The following ADGRL2 variants were observed in gnomAD, a reference collection of about 807,000 sequenced individuals.
The protein encoded by ADGRL2 is calcium-independent alpha-latrotoxin receptor 2.
ADGRL2 carries 44 observed loss-of-function variants against 157.4 expected under a neutral mutation model. That is an observed-to-expected ratio of 0.28 (90% CI 0.22 to 0.36). The LOEUF (loss-of-function observed/expected upper bound fraction) is 0.36. ADGRL2 is among the 10% of genes least tolerant of loss of function. The pLI, the probability that ADGRL2 is intolerant of heterozygous loss-of-function variation, is 1.00. For missense variants in ADGRL2, 1,510 were observed against 1,768.9 expected (o/e 0.85, Z 2.63); for synonymous variants, 585 against 624.7 (o/e 0.94, Z 0.95).
At chr1:81,623,929 C>T (rs1570666900) in intron 3 of ADGRL2, among the ~76,000 whole-genome samples, 2 of 152,136 alleles carry the variant, frequency 1.3e-5, no homozygotes, top group East Asian at 1.9e-4. Context: ...GCCATCACAC[C>T]CAGCTGATAT....
Position 81,962,235 on chromosome 1 carries a change from G to T in ADGRL2, c.2018-3823G>T, listed in dbSNP as rs551508162. Among the ~76,000 whole-genome samples, 3 of 152,108 alleles carry T rather than the reference G, an allele frequency of 2.0e-5. No individual in the cohort carries two copies. The East Asian group carries it at 5.8e-4, about 29-fold the overall frequency. On this transcript the variant is annotated intron_variant, in intron 11 of 23. Coordinates refer to ENST00000686636, the MANE Select transcript of ADGRL2 (RefSeq NM_001366006.2). ...GTTGTCAATCTAATGAGTTTGAATT[G>T]GTTACGTTATTGTTTTAATTTACAA...
At chr1:81,981,067 C>T in intron 18 of ADGRL2, 1 of 425,162 alleles carries the variant, frequency 2.4e-6, no homozygotes, top group South Asian at 3.0e-5. Flanking sequence ...TTATTACTTT[C>T]TATTTTAATT....
chr1:81,799,887 AT>A (rs531455996), upstream of ADGRL2, among the ~76,000 whole-genome samples: 1 of 2,508 alleles, frequency 4.0e-4, no homozygotes, highest in Admixed American at 0.011. Flanking sequence ...AAATTTTGCA[AT>A]AAAAAAAAAA....
At chr1:81,321,225 T>C (rs1660477794) in intron 1 of ADGRL2, among the ~76,000 whole-genome samples, 2 of 152,190 alleles carry the variant, frequency 1.3e-5, no homozygotes, top group Admixed American at 6.5e-5. Context: ...TAGGTTTTAG[T>C]TTACTTAGGG....
chr1:81,432,703 A>G lies in ADGRL2; in HGVS notation c.-301-12333A>G, dbSNP rs994695158. 2.6e-5 allele frequency among the ~76,000 whole-genome samples: 4 copies of G among 152,042 alleles called. 1 individual carries two copies. The South Asian group carries it at 8.3e-4, about 31-fold the overall frequency. On this transcript the variant is annotated intron_variant, in intron 1 of 24. Transcript: ENST00000370721. ...CCGCTCCCCTCCCCAGCCCATTTTC[A>G]GACAGGAGGTCAAGCTGTCGTTGGA...
intron 2 of ADGRL2, among the ~76,000 whole-genome samples, chr1:81,892,149 T>C (rs748804213): frequency 6.6e-6 from 1 of 152,178 alleles, no homozygotes; most frequent in East Asian, 1.9e-4. Flanking sequence ...AATGAAGAGA[T>C]TGGGGACTGA....
At chr1:81,646,086 G>C (rs544962972) in intron 3 of ADGRL2, among the ~76,000 whole-genome samples, 1 of 151,942 alleles carries the variant, frequency 6.6e-6, no homozygotes, top group Non-Finnish European at 1.5e-5. Flanking sequence ...CTCACTCATC[G>C]CAGTGTCCTT....
intron 4 of ADGRL2, 51 bp downstream of exon 4, chr1:81,936,888 A>G (rs1482875232): frequency 1.8e-6 from 2 of 1,083,256 alleles, no homozygotes; most frequent in African/African-American, 3.1e-5. Context: ...TTACTTGTTG[A>G]TGCTGAAAGA....
intron 2 of ADGRL2, among the ~76,000 whole-genome samples, chr1:81,490,715 ACAC>A (rs1184890192): frequency 6.6e-6 from 1 of 152,192 alleles, no homozygotes; most frequent in Non-Finnish European, 1.5e-5. Context: ...AGAGCATACA[ACAC>A]AGTCATTTTG....
chr1:81,691,528 C>T lies in ADGRL2; in HGVS notation c.-142-70283C>T, dbSNP rs544218162. On this transcript the variant is annotated intron_variant, in intron 3 of 24. Coordinates refer to the ADGRL2 transcript ENST00000370721. ...GACTTTTTTTTTTGAGACGGAGTTT[C>T]GCTCTTGTTGCCCAGGCTGGAGTGC... Among the ~76,000 whole-genome samples, 25 of 151,492 alleles carry T rather than the reference C, an allele frequency of 1.7e-4. 1 individual carries two copies. In the East Asian group the frequency reaches 3.9e-3, roughly 24 times the overall value.
At chr1:81,844,876 C>T (rs1487232366) in intron 2 of ADGRL2, among the ~76,000 whole-genome samples, 1 of 152,008 alleles carries the variant, frequency 6.6e-6, no homozygotes, top group Non-Finnish European at 1.5e-5. Flanking sequence ...TGCCATAATT[C>T]TTGCTTTGAG....
chr1:81,958,685 G>A (rs1259032007), intron 11 of ADGRL2, among the ~76,000 whole-genome samples: 1 of 152,118 alleles, frequency 6.6e-6, no homozygotes, highest in Non-Finnish European at 1.5e-5. Flanking sequence ...TAAGTGTATA[G>A]TTTGATGGAG....
chr1:81,947,946 C>T (rs894242256), intron 6 of ADGRL2, among the ~76,000 whole-genome samples: 2 of 152,242 alleles, frequency 1.3e-5, no homozygotes, highest in East Asian at 3.9e-4. Context: ...TGGCTGGGCA[C>T]AGTCGCTCAT....
At chr1:81,581,491 A>G (rs2148541525) in intron 3 of ADGRL2, among the ~76,000 whole-genome samples, 1 of 152,298 alleles carries the variant, frequency 6.6e-6, no homozygotes, top group Admixed American at 6.5e-5. Flanking sequence ...TATCTTTACT[A>G]ATGTAAAAAG....
At chr1:81,962,722 C>T (rs1237923010) in intron 11 of ADGRL2, among the ~76,000 whole-genome samples, 1 of 152,086 alleles carries the variant, frequency 6.6e-6, no homozygotes, top group Non-Finnish European at 1.5e-5. Context: ...GATTTTTCCC[C>T]ATATGAATAA....
At chr1:81,972,590 T>C (rs1308921215) in intron 17 of ADGRL2, among the ~76,000 whole-genome samples, 1 of 152,076 alleles carries the variant, frequency 6.6e-6, no homozygotes, top group Non-Finnish European at 1.5e-5. Flanking sequence ...GGAGTGTAGC[T>C]ACAGTATCTA....
At chr1:81,722,301 A>AAC in intron 1 of ADGRL2, 2 of 562,488 alleles carry the variant, frequency 3.6e-6, no homozygotes, top group Non-Finnish European at 3.2e-6. Flanking sequence ...TAAAAAAAAA[A>AAC]GAAAATGCAG....
chr1:81,802,645 G>A (rs921916550), intron 1 of ADGRL2, among the ~76,000 whole-genome samples: 2 of 152,048 alleles, frequency 1.3e-5, no homozygotes, highest in African/African-American at 4.8e-5. Flanking sequence ...GGAGGAGTGT[G>A]AAGCGCGTCC....
intron 2 of ADGRL2, among the ~76,000 whole-genome samples, chr1:81,791,937 G>A (rs916233515): frequency 1.3e-5 from 2 of 152,128 alleles, no homozygotes; most frequent in East Asian, 1.9e-4. Flanking sequence ...AATGCCATGC[G>A]TATTAAGCAT....
Sources: allele counts gnomAD v4.1 joint callset (sites outside exome capture counted in the v4.1 genomes callset), GRCh38; gene constraint gnomAD v4.1.1; transcripts MANE v1.5; gene names NCBI Gene and HGNC (gene_info 2026-07-23, HGNC 2026-07-21).